SLC25A48: variants seen among roughly 807,000 people sequenced by gnomAD.
SLC25A48 encodes CTC-321K16.1.
Under a neutral mutation model 32.2 loss-of-function variants are expected in SLC25A48, and 29 were observed. That is an observed-to-expected ratio of 0.90 (90% CI 0.67 to 1.23). SLC25A48 has a LOEUF of 1.23. Ranked by LOEUF, SLC25A48 falls within the 50% of genes most tolerant of loss-of-function variation. The probability of loss-of-function intolerance (pLI) is 0.00; values close to 1 mark genes in which losing one functional copy is unlikely to be tolerated. For missense variants in SLC25A48, 399 were observed against 422.7 expected, an observed-to-expected ratio of 0.94 and a Z score of 0.49; for synonymous variants, 164 against 172.3, an observed-to-expected ratio of 0.95 and a Z score of 0.38.
intron 3 of SLC25A48, among the ~76,000 whole-genome samples, chr5:135,642,716 G>T (rs1752867316): frequency 6.6e-6 from 1 of 152,204 alleles, no homozygotes; most frequent in Admixed American, 6.5e-5. Context: ...AAAACAACAT[G>T]TGTGCAGGAG....
intron 1 of SLC25A48, among the ~76,000 whole-genome samples, chr5:135,602,182 G>A (rs1477042875): frequency 6.6e-6 from 1 of 152,224 alleles, no homozygotes; most frequent in Non-Finnish European, 1.5e-5. Context: ...GATAACTTGT[G>A]TTTGGATTCG....
At chr5:135,583,572 A>C (rs550902878) in intron 1 of SLC25A48, among the ~76,000 whole-genome samples, 2 of 151,774 alleles carry the variant, frequency 1.3e-5, no homozygotes, top group African/African-American at 4.8e-5. Flanking sequence ...TTCATTGTAC[A>C]TATGAGGAAA....
intron 1 of SLC25A48, among the ~76,000 whole-genome samples, chr5:135,616,830 CT>C (rs1561759439): frequency 1.3e-5 from 2 of 152,020 alleles, no homozygotes; most frequent in Non-Finnish European, 2.9e-5. Context: ...TAGTATATTA[CT>C]TTTTTGATGT....
chr5:135,857,669 T>C (rs961447883), intron 4 of SLC25A48, among the ~76,000 whole-genome samples: 2 of 152,168 alleles, frequency 1.3e-5, no homozygotes, highest in African/African-American at 4.8e-5. Flanking sequence ...ACTGGGTGCC[T>C]ACAAACCATG....
chr5:135,697,627 C>T (rs1276007567), intron 3 of SLC25A48, among the ~76,000 whole-genome samples: 1 of 152,190 alleles, frequency 6.6e-6, no homozygotes, highest in Non-Finnish European at 1.5e-5. Flanking sequence ...GATAAAAGTA[C>T]CAGGTCCTAC....
intron 2 of SLC25A48, among the ~76,000 whole-genome samples, chr5:135,630,106 T>A (rs1302669885): frequency 6.6e-6 from 1 of 152,262 alleles, no homozygotes; most frequent in East Asian, 1.9e-4. Context: ...TGCCAAGGAA[T>A]GAATGGCTCA....
chr5:135,617,878 T>C (rs1054032544), intron 1 of SLC25A48, among the ~76,000 whole-genome samples: 3 of 151,990 alleles, frequency 2.0e-5, no homozygotes, highest in Non-Finnish European at 4.4e-5. Context: ...TGATTTATTA[T>C]CTAGAATGTT....
intron 3 of SLC25A48, among the ~76,000 whole-genome samples, chr5:135,713,813 G>A (rs1369259047): frequency 6.6e-6 from 1 of 152,184 alleles, no homozygotes; most frequent in East Asian, 1.9e-4. Context: ...ACTTTGCACA[G>A]CCTCACCTGG....
intron 3 of SLC25A48, among the ~76,000 whole-genome samples, chr5:135,808,810 A>G (rs1378164325): frequency 2.6e-5 from 4 of 152,032 alleles, no homozygotes; most frequent in Non-Finnish European, 5.9e-5. Context: ...CCCACTCCTG[A>G]TTTTAGGTGA....
intron 1 of SLC25A48, among the ~76,000 whole-genome samples, chr5:135,613,984 A>G (rs975067693): frequency 6.6e-5 from 10 of 152,090 alleles, no homozygotes; most frequent in African/African-American, 2.4e-4. Context: ...GAAAAATGAC[A>G]TTGTTATTTT....
chr5:135,723,290 T>C (rs1167578863), intron 3 of SLC25A48, among the ~76,000 whole-genome samples: 1 of 151,886 alleles, frequency 6.6e-6, no homozygotes, highest in Non-Finnish European at 1.5e-5. Flanking sequence ...TACTAGAAAT[T>C]TGCAAAAATC....
At chr5:135,753,507 T>C (rs1180343786) in intron 3 of SLC25A48, among the ~76,000 whole-genome samples, 1 of 151,986 alleles carries the variant, frequency 6.6e-6, no homozygotes, top group Non-Finnish European at 1.5e-5. Context: ...AGCAGTAATA[T>C]CTAGAGGACA....
At chr5:135,803,377 T>C in intron 3 of SLC25A48, among the ~76,000 whole-genome samples, 1 of 151,530 alleles carries the variant, frequency 6.6e-6, no homozygotes, top group Non-Finnish European at 1.5e-5. Context: ...CACTCTGTGA[T>C]ACTATTCATA....
At chr5:135,611,549 A>G (rs1433679060) in intron 1 of SLC25A48, among the ~76,000 whole-genome samples, 2 of 147,698 alleles carry the variant, frequency 1.4e-5, no homozygotes, top group Non-Finnish European at 3.0e-5. Flanking sequence ...GAAAAGAAAA[A>G]AAAGAAAAAA....
chr5:135,752,229 A>G (rs958133203), intron 3 of SLC25A48, among the ~76,000 whole-genome samples: 1 of 152,220 alleles, frequency 6.6e-6, no homozygotes, highest in Admixed American at 6.5e-5. Flanking sequence ...AGAGAATAAA[A>G]GGACAAGCTA....
At chr5:135,647,597 T>A (rs1296240351) in intron 3 of SLC25A48, among the ~76,000 whole-genome samples, 1 of 152,128 alleles carries the variant, frequency 6.6e-6, no homozygotes, top group African/African-American at 2.4e-5. Context: ...GCCCCCAGCC[T>A]CCTGGAGGAC....
chr5:135,754,673 A>G (rs1179398657), intron 3 of SLC25A48, among the ~76,000 whole-genome samples: 2 of 152,168 alleles, frequency 1.3e-5, no homozygotes, highest in Non-Finnish European at 1.5e-5. Context: ...ACACCATGAT[A>G]TTAATGAAAC....
At chr5:135,806,970 G>A (rs556597837) in intron 3 of SLC25A48, among the ~76,000 whole-genome samples, 1 of 149,828 alleles carries the variant, frequency 6.7e-6, no homozygotes, top group East Asian at 2.1e-4. Context: ...CATAATAACT[G>A]TGTTAAAACA....
At chr5:135,768,830 C>T (rs942075475) in intron 3 of SLC25A48, among the ~76,000 whole-genome samples, 2 of 151,668 alleles carry the variant, frequency 1.3e-5, no homozygotes, top group African/African-American at 2.4e-5. Context: ...TGATATTACT[C>T]GCAATATTGT....
Sources: allele counts gnomAD v4.1 joint callset (sites outside exome capture counted in the v4.1 genomes callset), GRCh38; gene constraint gnomAD v4.1.1; transcripts MANE v1.5; gene names NCBI Gene and HGNC (gene_info 2026-07-23, HGNC 2026-07-21).